CACNB2: variants seen among roughly 807,000 people sequenced by gnomAD.
CACNB2 encodes calcium voltage-gated channel auxiliary subunit beta 2.
In CACNB2, 42 loss-of-function variants were observed where a neutral mutation model predicts 73.3. The observed-to-expected ratio is 0.57, with a 90% CI of 0.45 to 0.74. The LOEUF (loss-of-function observed/expected upper bound fraction) is 0.74, where lower values mean the gene tolerates loss of function less well. Ranked by LOEUF, CACNB2 falls within the 30% of genes least tolerant of loss-of-function variation. The probability of loss-of-function intolerance (pLI) is 0.00; values close to 1 mark genes in which losing one functional copy is unlikely to be tolerated. For synonymous variants in CACNB2, 348 were observed against 310.3 expected (o/e 1.12, Z -1.28); for missense variants, 940 against 853.0 (o/e 1.10, Z -1.27).
chr10:18,502,689 CAAAAAAAAAAAAAAAAAA>C (rs71200974), intron 5 of CACNB2, among the ~76,000 whole-genome samples: 29 of 73,250 alleles, frequency 4.0e-4, no homozygotes, highest in African/African-American at 1.3e-3. Flanking sequence ...GACTCCATCT[CAAAAAAAAAAAAAAAAAA>C]AAAAAAAAAA....
At chr10:18,306,233 C>T (rs1324493948) in intron 2 of CACNB2, among the ~76,000 whole-genome samples, 4 of 151,994 alleles carry the variant, frequency 2.6e-5, no homozygotes, top group African/African-American at 9.7e-5. Context: ...AATATAGCCT[C>T]CTTCTAGAAG....
In CACNB2 at chr10:18,542,800, A is replaced by G. The variant is rs1171563480; in HGVS notation, c.*3076A>G. The G allele has an allele frequency of 6.6e-6, 1 of 152,196 alleles. No individual in the cohort carries two copies. The highest frequency in any genetic ancestry group is 1.5e-5 in the Non-Finnish European group (1 of 68,032). 9.4% of individuals were successfully genotyped at this position (152,196 alleles called of 1,614,324 possible). Reference sequence around the variant, plus strand: ...TGTAAAGTTACAGTCTTTTCACACAACAAAGGCTTAACCTTAACCTACTCA... The same window carrying G: ...TGTAAAGTTACAGTCTTTTCACACAGCAAAGGCTTAACCTTAACCTACTCA... On this transcript the variant is annotated 3_prime_UTR_variant, in exon 14 of 14. Coordinates refer to ENST00000324631, the MANE Select transcript of CACNB2 (RefSeq NM_201596.3).
At chr10:18,259,730 CAGAAA>C (rs1564383808) in intron 2 of CACNB2, among the ~76,000 whole-genome samples, 3 of 112,548 alleles carry the variant, frequency 2.7e-5, no homozygotes, top group Non-Finnish European at 1.8e-5. Flanking sequence ...GACTCTGTCT[CAGAAA>C]AAAAAAAAAA....
In CACNB2 at chr10:18,538,351, G is replaced by C; in HGVS notation, c.1474G>C (p.Ala492Pro). Residue 492 changes from alanine to proline, a missense_variant, in exon 13 of 14, where the codon GCC becomes CCC. By Grantham distance (27) the Ala-to-Pro change is conservative. Coordinates refer to ENST00000324631, the MANE Select transcript of CACNB2 (RefSeq NM_201596.3). ...TSSLPLSPTL[A>P]SNSQGSQGDQ... is the part of the protein sequence containing the mutation. ...AAGTCTGCCTCTTAGCCCCACCCTA[G>C]CCTCTAATTCACAGGTAAGGGGAGT... is the stretch of plus-strand genomic sequence containing the variant. 1 of 1,613,940 alleles carries C rather than the reference G, an allele frequency of 6.2e-7. No homozygotes were observed. Among genetic ancestry groups the C allele is most frequent in the Non-Finnish European group, 8.5e-7 (1 of 1,179,896 alleles).
intron 2 of CACNB2, among the ~76,000 whole-genome samples, chr10:18,352,483 C>T (rs889710367): frequency 6.6e-6 from 1 of 152,124 alleles, no homozygotes; most frequent in Non-Finnish European, 1.5e-5. Context: ...AAAAGAGAAA[C>T]CAGGAATAAT....
intron 6 of CACNB2, among the ~76,000 whole-genome samples, chr10:18,507,133 G>C (rs2050533777): frequency 6.6e-6 from 1 of 152,180 alleles, no homozygotes; most frequent in Non-Finnish European, 1.5e-5. Flanking sequence ...CTGCGATGGT[G>C]CTTGTCATGG....
intron 2 of CACNB2, among the ~76,000 whole-genome samples, chr10:18,338,919 T>G (rs1020311914): frequency 1.3e-5 from 2 of 151,864 alleles, no homozygotes; most frequent in African/African-American, 4.8e-5. Context: ...TTAAATTTTT[T>G]TGCAGAGACG....
chr10:18,392,600 A>C (rs915008700), intron 2 of CACNB2, among the ~76,000 whole-genome samples: 74 of 152,348 alleles, frequency 4.9e-4, no homozygotes, highest in African/African-American at 1.7e-3. Flanking sequence ...AATGGAGTCA[A>C]GGAAAGGTTT....
At chr10:18,223,285 T>G (rs143228140) in intron 2 of CACNB2, among the ~76,000 whole-genome samples, 3 of 152,198 alleles carry the variant, frequency 2.0e-5, no homozygotes, top group Non-Finnish European at 4.4e-5. Flanking sequence ...ATATTAATAA[T>G]TGGCATAAAT....
At chr10:18,266,562 T>C (rs898178895) in intron 2 of CACNB2, among the ~76,000 whole-genome samples, 1 of 152,062 alleles carries the variant, frequency 6.6e-6, no homozygotes, top group Non-Finnish European at 1.5e-5. Context: ...TCATACTTTT[T>C]ACAAGTGATC....
At chr10:18,446,967 G>C (rs1434027067) in intron 3 of CACNB2, among the ~76,000 whole-genome samples, 2 of 152,024 alleles carry the variant, frequency 1.3e-5, no homozygotes, top group Non-Finnish European at 2.9e-5. Context: ...GCTGAGGTAG[G>C]AGGATTGGAT....
At chr10:18,288,676 T>TACAC (rs372916856) in intron 2 of CACNB2, among the ~76,000 whole-genome samples, 256 of 144,412 alleles carry the variant, frequency 1.8e-3, no homozygotes, top group Admixed American at 4.6e-3. Flanking sequence ...ATGAGATTTA[T>TACAC]ACACACACAC....
intron 2 of CACNB2, among the ~76,000 whole-genome samples, chr10:18,223,660 C>A (rs757996594): frequency 3.4e-4 from 52 of 151,972 alleles, no homozygotes; most frequent in Non-Finnish European, 8.8e-5. Context: ...TATATGGTAA[C>A]TAACAAAACA....
intron 2 of CACNB2, among the ~76,000 whole-genome samples, chr10:18,287,508 T>C (rs1485431417): frequency 1.3e-5 from 2 of 152,002 alleles, no homozygotes; most frequent in African/African-American, 4.8e-5. Flanking sequence ...AAAAATGGTG[T>C]GGTTTAATAC....
At chr10:18,193,356 C>A (rs578125320) in intron 2 of CACNB2, among the ~76,000 whole-genome samples, 1 of 151,666 alleles carries the variant, frequency 6.6e-6, no homozygotes, top group Non-Finnish European at 1.5e-5. Context: ...TTTGCCAACA[C>A]TTATTATTTT....
At chr10:18,207,045 G>C (rs967673192) in intron 2 of CACNB2, among the ~76,000 whole-genome samples, 1 of 152,160 alleles carries the variant, frequency 6.6e-6, no homozygotes, top group Non-Finnish European at 1.5e-5. Flanking sequence ...GTCTCACTCT[G>C]TCACCCAGGC....
At chr10:18,478,608 T>C (rs1208226778) in intron 3 of CACNB2, among the ~76,000 whole-genome samples, 3 of 152,114 alleles carry the variant, frequency 2.0e-5, no homozygotes, top group Admixed American at 6.6e-5. Flanking sequence ...GGCATGCAAA[T>C]GTATTTAACA....
chr10:18,442,946 A>G (rs1490247559), intron 3 of CACNB2, among the ~76,000 whole-genome samples: 4 of 58,246 alleles, frequency 6.9e-5, no homozygotes, highest in South Asian at 6.8e-4. Context: ...ATATATGTGT[A>G]TATATATATA....
At chr10:18,244,931 G>A (rs2036803064) in intron 2 of CACNB2, among the ~76,000 whole-genome samples, 1 of 152,194 alleles carries the variant, frequency 6.6e-6, no homozygotes, top group African/African-American at 2.4e-5. Flanking sequence ...GAGGGAGATA[G>A]GACAACAGGT....
Sources: allele counts gnomAD v4.1 joint callset (sites outside exome capture counted in the v4.1 genomes callset), GRCh38; gene constraint gnomAD v4.1.1; transcripts MANE v1.5; gene names NCBI Gene and HGNC (gene_info 2026-07-23, HGNC 2026-07-21).